FBXL13: variants seen among roughly 807,000 people sequenced by gnomAD.
The protein encoded by FBXL13 is F-box and leucine rich repeat protein 13.
FBXL13 carries 67 observed loss-of-function variants against 83.6 expected under a neutral mutation model. The observed-to-expected ratio is 0.80, with a 90% CI of 0.66 to 0.98. The LOEUF is 0.98. Among genes scored for constraint, FBXL13 ranks in the 50% least tolerant of loss-of-function variants. FBXL13 has a pLI of 0.00. For missense variants in FBXL13, 822 were observed against 866.5 expected (o/e 0.95, Z 0.64); for synonymous variants, 272 against 299.5 (o/e 0.91, Z 0.95).
intron 9 of FBXL13, among the ~76,000 whole-genome samples, chr7:102,928,129 A>G (rs1008284530): frequency 3.9e-5 from 6 of 152,320 alleles, no homozygotes; most frequent in Admixed American, 3.9e-4. Flanking sequence ...TTTCCTGTCT[A>G]AAGAAGCTTG....
At position 102,906,406 on chromosome 7, in the gene FBXL13, T is replaced by A. The variant is rs151169640; in HGVS notation, c.1008+6680A>T. Among the ~76,000 whole-genome samples the A allele has an allele frequency of 3.7e-3, 568 of 152,316 alleles. 5 individuals are homozygous for A. Among genetic ancestry groups the A allele is most frequent in the African/African-American group, 0.013 (561 of 41,568 alleles). ...AGAGTAGTTTACACACCACAGTTAT[T>A]GTGTTATAAAATTCTGTGCTTTTCT... On this transcript the variant is annotated intron_variant, in intron 11 of 19. Coordinates refer to ENST00000313221, the Ensembl canonical transcript of FBXL13.
intron 17 of FBXL13, among the ~76,000 whole-genome samples, chr7:102,845,347 C>T (rs1269916646): frequency 6.6e-6 from 1 of 152,226 alleles, no homozygotes; most frequent in East Asian, 1.9e-4. Flanking sequence ...ACAAAAGATA[C>T]CTATTACCCC....
chr7:102,987,073 G>T (rs1380680271), intron 6 of FBXL13, among the ~76,000 whole-genome samples: 1 of 152,150 alleles, frequency 6.6e-6, no homozygotes, highest in Admixed American at 6.5e-5. Flanking sequence ...AATACTGTAT[G>T]TTCTCACTTG....
At chr7:102,991,857 G>A (rs940570505) in intron 6 of FBXL13, among the ~76,000 whole-genome samples, 5 of 152,108 alleles carry the variant, frequency 3.3e-5, no homozygotes, top group African/African-American at 9.7e-5. Flanking sequence ...TAAGTGGTGC[G>A]CAGTGTGAGT....
intron 2 of FBXL13, among the ~76,000 whole-genome samples, chr7:103,048,144 T>C (rs1284619201): frequency 6.6e-6 from 1 of 152,226 alleles, no homozygotes; most frequent in Non-Finnish European, 1.5e-5. Context: ...AGGGGCCCTC[T>C]GTAGCGTTCC....
intron 8 of FBXL13, chr7:102,934,053 G>C: frequency 6.2e-7 from 1 of 1,614,126 alleles, no homozygotes; most frequent in Non-Finnish European, 8.5e-7. Flanking sequence ...CCGGTCAAAC[G>C]CTACGCACCA....
At chr7:102,971,835 G>T (rs1466034297) in intron 6 of FBXL13, among the ~76,000 whole-genome samples, 1 of 151,888 alleles carries the variant, frequency 6.6e-6, no homozygotes, top group African/African-American at 2.4e-5. Flanking sequence ...AGACCAGCCT[G>T]GCCAACATGG....
At chr7:102,851,567 C>A (rs1256357166) in intron 17 of FBXL13, among the ~76,000 whole-genome samples, 1 of 147,392 alleles carries the variant, frequency 6.8e-6, no homozygotes, top group Non-Finnish European at 1.5e-5. Flanking sequence ...CTCTCTCTCT[C>A]TCTCTTTCTC....
intron 6 of FBXL13, among the ~76,000 whole-genome samples, chr7:103,008,610 T>A (rs1441185661): frequency 2.6e-5 from 4 of 152,168 alleles, no homozygotes; most frequent in Non-Finnish European, 5.9e-5. Flanking sequence ...CAGGCTAGAG[T>A]GCAGTGGTGC....
At chr7:102,822,085 T>C in exon 19 of FBXL13, 1 of 1,614,230 alleles carries the variant, frequency 6.2e-7, no homozygotes, top group Non-Finnish European at 8.5e-7. Context: ...CCGGAGTTGT[T>C]TGCAGCCTAT....
chr7:102,908,732 C>G lies in FBXL13; in HGVS notation c.1008+4354G>C, dbSNP rs77465790. On this transcript the variant is annotated intron_variant, in intron 11 of 19. Coordinates refer to ENST00000313221, the Ensembl canonical transcript of FBXL13. ...ATTACCAGGCAGAGGCTCTTGTTCT[C>G]TTCCCTTCTGTTTCCCAAACAGAGT... 1.4e-4 allele frequency among the ~76,000 whole-genome samples: 21 copies of G among 152,376 alleles called. No homozygotes were observed. In the East Asian group the frequency reaches 2.7e-3, roughly 20 times the overall value.
At chr7:103,039,547 A>C (rs1016092825) in intron 2 of FBXL13, among the ~76,000 whole-genome samples, 1 of 152,162 alleles carries the variant, frequency 6.6e-6, no homozygotes, top group African/African-American at 2.4e-5. Context: ...GGTTGAAATG[A>C]GGGAAAAAAT....
At chr7:102,883,398 T>C in exon 14 of FBXL13, 2 of 1,613,858 alleles carry the variant, frequency 1.2e-6, no homozygotes, top group Non-Finnish European at 1.7e-6. Context: ...GTCAGCCATA[T>C]AAATGTGACT....
chr7:103,013,358 T>C (rs140006170), intron 6 of FBXL13, among the ~76,000 whole-genome samples: 3,626 of 152,288 alleles, frequency 0.024, 64 homozygotes, highest in Middle Eastern at 0.037. Flanking sequence ...ACATGGCCCA[T>C]ACTCTAAAAT....
rs151113609 is a variant in FBXL13, at chr7:103,035,260, G to A, written c.1-5842C>T. Among the ~76,000 whole-genome samples the A allele has an allele frequency of 4.9e-3, 747 of 152,286 alleles. 8 individuals carry two copies. The highest frequency in any genetic ancestry group is 0.017 in the African/African-American group (691 of 41,552). ...GGGTCCCCTTCAGATGGCCTCACAG[G>A]TTCCAGACAGACACTAGGAGGAATT... On this transcript the variant is annotated intron_variant, in intron 2 of 19. Coordinates refer to ENST00000313221, the Ensembl canonical transcript of FBXL13.
At position 102,861,531 on chromosome 7, in the gene FBXL13, T is replaced by C. The variant is rs77116336; in HGVS notation, c.1636-6671A>G. Among the ~76,000 whole-genome samples the C allele has an allele frequency of 0.014, 2,141 of 152,270 alleles. 116 individuals are homozygous for C. The East Asian group carries it at 0.16, about 12-fold the overall frequency. The stretch of plus-strand genomic sequence containing the variant: ...CACTTGGTTCAGAAGATGACTACCA[T>C]AGATCTCTTTATTAGAAGAGGTATA... On this transcript the variant is annotated intron_variant, in intron 16 of 19. Coordinates refer to ENST00000313221, the Ensembl canonical transcript of FBXL13.
chr7:102,962,733 C>G lies in FBXL13; in HGVS notation c.724+800G>C, dbSNP rs530253763. On this transcript the variant is annotated intron_variant, in intron 8 of 19. Transcript: ENST00000313221. ...CATTCTCAGTAAACTATTGCAAGAA[C>G]AAAAAACCAAACACCACATATTCTC... Among the ~76,000 whole-genome samples, 505 of 144,674 alleles carry G rather than the reference C, an allele frequency of 3.5e-3. 3 individuals are homozygous for G. Among genetic ancestry groups the G allele is most frequent in the African/African-American group, 0.012 (484 of 39,210 alleles). 94.9% of individuals were successfully genotyped at this position (144,674 alleles called of 152,430 possible).
intron 17 of FBXL13, among the ~76,000 whole-genome samples, chr7:102,838,984 A>G (rs1562973768): frequency 1.3e-5 from 2 of 152,146 alleles, no homozygotes; most frequent in African/African-American, 4.8e-5. Flanking sequence ...TGCAGTTGAG[A>G]TAAGAGGAAG....
intron 11 of FBXL13, among the ~76,000 whole-genome samples, chr7:102,909,216 G>A (rs1049846595): frequency 6.6e-6 from 1 of 152,180 alleles, no homozygotes; most frequent in African/African-American, 2.4e-5. Flanking sequence ...GGCTACCAAT[G>A]ATGTTCTCTT....
Sources: allele counts gnomAD v4.1 joint callset (sites outside exome capture counted in the v4.1 genomes callset), GRCh38; gene constraint gnomAD v4.1.1; transcripts MANE v1.5; gene names NCBI Gene and HGNC (gene_info 2026-07-23, HGNC 2026-07-21).